The following ENOX1 variants were observed in gnomAD, a reference collection of about 807,000 sequenced individuals.
The protein encoded by ENOX1 is candidate growth-related and time keeping constitutive hydroquinone (NADH) oxidase.
ENOX1 carries 42 observed loss-of-function variants against 82.5 expected under a neutral mutation model. That is an observed-to-expected ratio of 0.51 (90% CI 0.40 to 0.66). The LOEUF (loss-of-function observed/expected upper bound fraction) is 0.66, where lower values mean the gene tolerates loss of function less well. ENOX1 is among the 30% of genes least tolerant of loss of function. The pLI is 0.00. For synonymous variants in ENOX1, 271 were observed against 282.2 expected (o/e 0.96, Z 0.40); for missense variants, 608 against 811.6 (o/e 0.75, Z 3.05).
chr13:43,692,496 C>G (rs1323482166), intron 1 of ENOX1, among the ~76,000 whole-genome samples: 3 of 152,012 alleles, frequency 2.0e-5, no homozygotes, highest in Non-Finnish European at 4.4e-5. Context: ...AGACAATCAA[C>G]AAATAGAGAA....
At chr13:43,657,107 T>G (rs908673268) in intron 2 of ENOX1, among the ~76,000 whole-genome samples, 1 of 152,228 alleles carries the variant, frequency 6.6e-6, no homozygotes, top group Non-Finnish European at 1.5e-5. Context: ...GTCCACATTT[T>G]GTCATCTCAT....
chr13:43,335,506 C>T (rs1046229155), intron 9 of ENOX1, among the ~76,000 whole-genome samples: 9 of 152,110 alleles, frequency 5.9e-5, no homozygotes, highest in African/African-American at 1.9e-4. Flanking sequence ...ACATTCCCCT[C>T]GCCTGATGTG....
At chr13:43,573,295 T>C (rs1379884773) in intron 2 of ENOX1, among the ~76,000 whole-genome samples, 1 of 152,206 alleles carries the variant, frequency 6.6e-6, no homozygotes, top group African/African-American at 2.4e-5. Context: ...ATTGGCACCA[T>C]TCTGAGTGTC....
At chr13:43,473,990 A>C (rs1413502388) in intron 3 of ENOX1, among the ~76,000 whole-genome samples, 1 of 152,182 alleles carries the variant, frequency 6.6e-6, no homozygotes, top group Non-Finnish European at 1.5e-5. Context: ...ATCTTAAAAC[A>C]TCCTTTTAAT....
chr13:43,673,687 A>AT (rs973842316), intron 1 of ENOX1, among the ~76,000 whole-genome samples: 1 of 152,196 alleles, frequency 6.6e-6, no homozygotes, highest in Non-Finnish European at 1.5e-5. Flanking sequence ...AGTAGCCTAT[A>AT]TTTTTTGATA....
At chr13:43,268,860 A>C (rs1215320024) in intron 13 of ENOX1, among the ~76,000 whole-genome samples, 1 of 152,220 alleles carries the variant, frequency 6.6e-6, no homozygotes, top group Non-Finnish European at 1.5e-5. Context: ...TAGTGGGCTT[A>C]GATTTCACTC....
At chr13:43,573,026 G>A (rs903659) in intron 2 of ENOX1, among the ~76,000 whole-genome samples, 57,136 of 152,064 alleles carry the variant, frequency 0.38, 11,698 homozygotes, top group East Asian at 0.76. Context: ...TAGGGACAGT[G>A]AAGGATCTCA....
chr13:43,260,615 G>C (rs1478148843), intron 14 of ENOX1, among the ~76,000 whole-genome samples: 1 of 152,142 alleles, frequency 6.6e-6, no homozygotes, highest in Non-Finnish European at 1.5e-5. Context: ...AAGGATCATA[G>C]GTGGCGATCC....
chr13:43,326,286 G>C, intron 10 of ENOX1, 133 bp downstream of exon 10: 1 of 716,412 alleles, frequency 1.4e-6, no homozygotes. Flanking sequence ...GCTGCATTTG[G>C]AGCTGACAGT....
At chr13:43,318,133 C>T (rs1225567397) in intron 11 of ENOX1, among the ~76,000 whole-genome samples, 1 of 152,108 alleles carries the variant, frequency 6.6e-6, no homozygotes, top group African/African-American at 2.4e-5. Context: ...AAATGAAATG[C>T]AGTTAAAATC....
chr13:43,252,475 CTCTT>C (rs2043514168), intron 14 of ENOX1, among the ~76,000 whole-genome samples: 1 of 152,188 alleles, frequency 6.6e-6, no homozygotes, highest in African/African-American at 2.4e-5. Context: ...TAGAAATGCA[CTCTT>C]TCTTTTTATT....
intron 11 of ENOX1, among the ~76,000 whole-genome samples, chr13:43,310,393 T>C (rs905215320): frequency 5.3e-5 from 8 of 152,014 alleles, no homozygotes; most frequent in African/African-American, 1.7e-4. Flanking sequence ...TTCAAACCCA[T>C]ATTCAATGAT....
At chr13:43,373,131 T>G (rs528667093) in intron 5 of ENOX1, among the ~76,000 whole-genome samples, 1 of 152,068 alleles carries the variant, frequency 6.6e-6, no homozygotes, top group African/African-American at 2.4e-5. Context: ...TATATTAGAG[T>G]GTACATGTGC....
At chr13:43,664,474 GT>G (rs986617656) in intron 2 of ENOX1, among the ~76,000 whole-genome samples, 1 of 152,210 alleles carries the variant, frequency 6.6e-6, no homozygotes, top group African/African-American at 2.4e-5. Context: ...ACACTGTAGA[GT>G]ACTTCACTGG....
chr13:43,573,504 T>C (rs2080275540), intron 2 of ENOX1, among the ~76,000 whole-genome samples: 1 of 152,176 alleles, frequency 6.6e-6, no homozygotes, highest in South Asian at 2.1e-4. Context: ...TTAAATTCTT[T>C]AAAGAGAGGG....
chr13:43,326,381 T>C, intron 10 of ENOX1, 38 bp downstream of exon 10: 11 of 1,556,822 alleles, frequency 7.1e-6, no homozygotes, highest in Non-Finnish European at 9.7e-6. Context: ...AATCCAGCTG[T>C]GTGATGGTGG....
At chr13:43,582,935 C>T (rs1178831438) in intron 2 of ENOX1, among the ~76,000 whole-genome samples, 1 of 151,996 alleles carries the variant, frequency 6.6e-6, no homozygotes, top group Admixed American at 6.6e-5. Context: ...CTAATTATCA[C>T]ACAAATAAAG....
intron 1 of ENOX1, among the ~76,000 whole-genome samples, chr13:43,696,149 T>C (rs182536674): frequency 6.6e-6 from 1 of 152,352 alleles, no homozygotes; most frequent in East Asian, 1.9e-4. Context: ...CAGAATAATA[T>C]TTCATGGTAT....
chr13:43,305,098 G>A (rs1024037385), intron 11 of ENOX1, among the ~76,000 whole-genome samples: 1 of 152,140 alleles, frequency 6.6e-6, no homozygotes, highest in East Asian at 1.9e-4. Context: ...ATCATTGGTA[G>A]CCTCATTCTC....
Sources: allele counts gnomAD v4.1 joint callset (sites outside exome capture counted in the v4.1 genomes callset), GRCh38; gene constraint gnomAD v4.1.1; transcripts MANE v1.5; gene names NCBI Gene and HGNC (gene_info 2026-07-23, HGNC 2026-07-21).